PRLR: variants seen among roughly 807,000 people sequenced by gnomAD.
PRLR encodes prolactin receptor.
PRLR carries 13 observed loss-of-function variants against 40.2 expected under a neutral mutation model. The observed-to-expected ratio is 0.32, with a 90% confidence interval of 0.21 to 0.51. The LOEUF is 0.51. Ranked by LOEUF, PRLR falls within the 20% of genes least tolerant of loss-of-function variation. PRLR has a pLI of 0.97. For synonymous variants in PRLR, 269 were observed against 278.7 expected (o/e 0.97, Z 0.35); for missense variants, 656 against 747.3 (o/e 0.88, Z 1.42).
At chr5:35,066,185 A>G (rs1769361296) in intron 9 of PRLR, 83 bp from the exon 10 acceptor site, 1 of 1,319,866 alleles carries the variant, frequency 7.6e-7, no homozygotes, top group Non-Finnish European at 1.0e-6. Context: ...GGTGCTGTTC[A>G]TTGCCACAAG....
intron 2 of PRLR, among the ~76,000 whole-genome samples, chr5:35,102,909 C>G (rs1490335417): frequency 6.6e-6 from 1 of 152,116 alleles, no homozygotes; most frequent in Non-Finnish European, 1.5e-5. Flanking sequence ...CTTTTGTTAG[C>G]TGACTCCCTT....
In PRLR at chr5:35,058,784, T is replaced by C. The variant is rs1768869320; in HGVS notation, c.*6305A>G. The stretch of plus-strand genomic sequence containing the variant: ...ACTATTTTTGAACCACATAAAGCAA[T>C]ATAGTACAAAATAATGTAACAGTTA... On this transcript the variant is annotated 3_prime_UTR_variant, in exon 10 of 10. Coordinates refer to ENST00000618457, the MANE Select transcript of PRLR (RefSeq NM_000949.7). The C allele has an allele frequency of 6.6e-6, 1 of 152,116 alleles. No individual in the cohort carries two copies. Among genetic ancestry groups the C allele is most frequent in the Non-Finnish European group, 1.5e-5 (1 of 68,022 alleles). The allele number at this position is 152,116 out of a possible 1,614,324, so 9.4% of individuals were successfully genotyped here. A position where few individuals can be genotyped will look rare whatever the true frequency, so the allele number is the denominator to read the frequency against.
intron 1 of PRLR, among the ~76,000 whole-genome samples, chr5:35,167,931 T>C (rs1001485306): frequency 6.6e-6 from 1 of 152,026 alleles, no homozygotes; most frequent in African/African-American, 2.4e-5. Context: ...ATGGTAGGTT[T>C]AAATTCAAAT....
At chr5:35,088,640 C>T (rs1771006785) in intron 3 of PRLR, among the ~76,000 whole-genome samples, 1 of 152,118 alleles carries the variant, frequency 6.6e-6, no homozygotes, top group African/African-American at 2.4e-5. Flanking sequence ...CCTTCATCTG[C>T]ATTAGAGGAA....
chr5:35,070,686 A>G (rs1044297834), intron 6 of PRLR, among the ~76,000 whole-genome samples: 3 of 151,684 alleles, frequency 2.0e-5, no homozygotes, highest in African/African-American at 7.3e-5. Context: ...TCTACTAAAA[A>G]TACAAAATTA....
At chr5:35,078,396 G>T (rs571918409) in intron 5 of PRLR, among the ~76,000 whole-genome samples, 2 of 151,880 alleles carry the variant, frequency 1.3e-5, no homozygotes, top group African/African-American at 4.8e-5. Flanking sequence ...CACAGAAATA[G>T]AAACTACCAT....
At chr5:35,173,654 AT>A (rs1775061749) in intron 1 of PRLR, among the ~76,000 whole-genome samples, 1 of 152,142 alleles carries the variant, frequency 6.6e-6, no homozygotes, top group Non-Finnish European at 1.5e-5. Context: ...GTTTCTCTTT[AT>A]TTTTGGCAAC....
At chr5:35,211,723 T>C (rs1776173567) in intron 1 of PRLR, among the ~76,000 whole-genome samples, 1 of 152,184 alleles carries the variant, frequency 6.6e-6, no homozygotes, top group African/African-American at 2.4e-5. Context: ...TGATAACAGA[T>C]TCATGATGTA....
chr5:35,171,046 CCT>C (rs1561346380), intron 1 of PRLR, among the ~76,000 whole-genome samples: 1 of 144,144 alleles, frequency 6.9e-6, no homozygotes, highest in Non-Finnish European at 1.5e-5. Flanking sequence ...GCTGTTTTTC[CCT>C]GTTTTTTTTT....
chr5:35,108,685 A>G (rs527477589), intron 2 of PRLR, among the ~76,000 whole-genome samples: 2 of 152,340 alleles, frequency 1.3e-5, no homozygotes, highest in African/African-American at 2.4e-5. Flanking sequence ...TTCAAGGAGA[A>G]CTACAAACCA....
rs1768923695 is a variant in PRLR, at chr5:35,059,826, A to G, written c.*5263T>C. ...TCCTTCAGACCTCCAGTATCTAGTCATCGAAGTAACTTGGGTTTATTTATT... is the reference window on the plus strand; with the variant it reads ...TCCTTCAGACCTCCAGTATCTAGTCGTCGAAGTAACTTGGGTTTATTTATT... On this transcript the variant is annotated 3_prime_UTR_variant, in exon 10 of 10. Coordinates refer to ENST00000618457, the MANE Select transcript of PRLR (RefSeq NM_000949.7). The G allele has an allele frequency of 6.6e-6, 1 of 152,138 alleles. No homozygotes were observed. Among genetic ancestry groups the G allele is most frequent in the Non-Finnish European group, 1.5e-5 (1 of 68,038 alleles). The allele number at this position is 152,138 out of a possible 1,614,324, so 9.4% of individuals were successfully genotyped here. A position where few individuals can be genotyped will look rare whatever the true frequency, so the allele number is the denominator to read the frequency against.
At chr5:35,121,118 T>C (rs1176313953) in intron 1 of PRLR, among the ~76,000 whole-genome samples, 1 of 152,128 alleles carries the variant, frequency 6.6e-6, no homozygotes, top group South Asian at 2.1e-4. Flanking sequence ...GGGGGTAGAT[T>C]TGTGCTAATT....
intron 1 of PRLR, among the ~76,000 whole-genome samples, chr5:35,175,603 GT>G (rs1443200546): frequency 2.0e-5 from 3 of 152,204 alleles, no homozygotes; most frequent in Non-Finnish European, 4.4e-5. Context: ...TGCCTGAAGA[GT>G]TTCTAAGAAC....
At chr5:35,082,103 T>A (rs1579602517) in intron 5 of PRLR, 1 of 152,274 alleles carries the variant, frequency 6.6e-6, no homozygotes, top group Non-Finnish European at 1.5e-5. Flanking sequence ...TCAGTGAGAA[T>A]CTCCCCTCAC....
intron 5 of PRLR, among the ~76,000 whole-genome samples, chr5:35,076,562 C>T (rs573426433): frequency 3.9e-5 from 6 of 152,304 alleles, no homozygotes; most frequent in East Asian, 3.9e-4. Flanking sequence ...ACCAAATCGA[C>T]ATCTGATTGG....
intron 4 of PRLR, among the ~76,000 whole-genome samples, chr5:35,085,179 C>A (rs1279864871): frequency 1.3e-5 from 2 of 152,218 alleles, no homozygotes; most frequent in African/African-American, 2.4e-5. Flanking sequence ...GGAGGTATTT[C>A]AAGCCCACGT....
At chr5:35,221,348 C>T (rs1023790050) in intron 1 of PRLR, among the ~76,000 whole-genome samples, 1 of 152,192 alleles carries the variant, frequency 6.6e-6, no homozygotes, top group Non-Finnish European at 1.5e-5. Flanking sequence ...AATTAGCAAG[C>T]TTCTGGCAAT....
At chr5:35,150,138 C>A (rs545686800) in intron 1 of PRLR, among the ~76,000 whole-genome samples, 2 of 152,344 alleles carry the variant, frequency 1.3e-5, no homozygotes, top group African/African-American at 4.8e-5. Flanking sequence ...CCCACCTTGG[C>A]CTCTCAAAGT....
intron 1 of PRLR, among the ~76,000 whole-genome samples, chr5:35,184,960 C>T (rs1775386540): frequency 6.6e-6 from 1 of 152,196 alleles, no homozygotes; most frequent in South Asian, 2.1e-4. Context: ...TGACTTAAGC[C>T]AAAGTCCACC....
Sources: gnomAD v4.1 joint callset for allele counts (sites outside exome capture counted in the v4.1 genomes callset) on GRCh38, gnomAD v4.1.1 for gene constraint, MANE v1.5 for transcripts, NCBI Gene and HGNC (gene_info 2026-07-23, HGNC 2026-07-21) for gene names.